CRISPLD2: variants seen among roughly 807,000 people sequenced by gnomAD.
CRISPLD2 encodes the protein cysteine rich secretory protein LCCL domain containing 2, also known as cysteine-rich secretory protein LCCL domain-containing 2.
CRISPLD2 carries 47 observed loss-of-function variants against 71.1 expected under a neutral mutation model. The ratio of observed to expected loss-of-function variants is 0.66; its 90% CI spans 0.52 to 0.84. The LOEUF is 0.84. Among genes scored for constraint, CRISPLD2 ranks in the 40% least tolerant of loss-of-function variants. The pLI is 0.00. For missense variants in CRISPLD2, 830 were observed against 651.1 expected, an observed-to-expected ratio of 1.27 and a Z score of -2.99; for synonymous variants, 317 against 250.1, an observed-to-expected ratio of 1.27 and a Z score of -2.52.
rs546146897 is a variant in CRISPLD2, at chr16:84,844,657, C to T, written c.241-1129C>T. Among the ~76,000 whole-genome samples the T allele has an allele frequency of 2.0e-5, 3 of 152,190 alleles. No homozygotes were observed. The South Asian group carries it at 6.2e-4, about 32-fold the overall frequency. ...GGATTACAGGCGTGAGCCACTGCTC[C>T]GGGCCCATCTCCGGCACTTTCTATC... On this transcript the variant is annotated intron_variant, in intron 2 of 14. Coordinates refer to ENST00000262424, the MANE Select transcript of CRISPLD2 (RefSeq NM_031476.4).
intron 13 of CRISPLD2, among the ~76,000 whole-genome samples, chr16:84,885,554 C>A (rs145173036): frequency 6.6e-6 from 1 of 152,212 alleles, no homozygotes; most frequent in Non-Finnish European, 1.5e-5. Flanking sequence ...CAGGGCCTCC[C>A]AGATACCCGG....
intron 9 of CRISPLD2, 117 bp from the exon 10 acceptor site, chr16:84,872,875 C>A: frequency 7.6e-7 from 1 of 1,318,710 alleles, no homozygotes; most frequent in Non-Finnish European, 1.0e-6. Flanking sequence ...GCAGAGTGAG[C>A]TTTGGCCTGT....
At chr16:84,844,321 G>A (rs778595478) in intron 2 of CRISPLD2, among the ~76,000 whole-genome samples, 15 of 152,226 alleles carry the variant, frequency 9.9e-5, no homozygotes, top group Non-Finnish European at 1.9e-4. Flanking sequence ...AGCTGAAGAC[G>A]TCTCTTGTCA....
intron 12 of CRISPLD2, among the ~76,000 whole-genome samples, chr16:84,879,961 T>C (rs547261372): frequency 6.6e-6 from 1 of 152,312 alleles, no homozygotes; most frequent in East Asian, 1.9e-4. Flanking sequence ...CATTTCCAGT[T>C]TGAGGTGCTT....
intron 1 of CRISPLD2, among the ~76,000 whole-genome samples, chr16:84,823,815 A>G (rs1393278461): frequency 6.6e-6 from 1 of 152,200 alleles, no homozygotes; most frequent in African/African-American, 2.4e-5. Context: ...CCGGACCATC[A>G]TTTTTTAAAA....
In CRISPLD2 at chr16:84,838,412, TTC is replaced by T; in HGVS notation, c.-74-9_-74-8del. 6.5e-7 allele frequency: 1 copy of T among 1,530,566 alleles called. No individual in the cohort carries two copies. Among genetic ancestry groups the T allele is most frequent in the Non-Finnish European group, 8.8e-7 (1 of 1,133,726 alleles). 94.8% of individuals were successfully genotyped at this position (1,530,566 alleles called of 1,614,324 possible). ...TGCGACTTCTCCCACCACCCTCTGC[TTC>T]CTTTCAGAGCTCAAGCGCCCAGCTC... On this transcript the variant is annotated splice_region_variant and splice_polypyrimidine_tract_variant and intron_variant, in intron 1 of 14. Coordinates refer to ENST00000262424, the MANE Select transcript of CRISPLD2 (RefSeq NM_031476.4).
At chr16:84,872,336 T>G in intron 8 of CRISPLD2, 106 bp from the exon 9 acceptor site, 1 of 947,780 alleles carries the variant, frequency 1.1e-6, no homozygotes, top group Non-Finnish European at 1.7e-6. Context: ...GAATGAAGCT[T>G]TTCTATATTT....
Position 84,863,822 on chromosome 16 carries a change from G to C in CRISPLD2, c.710-3075G>C, listed in dbSNP as rs548591102. On this transcript the variant is annotated intron_variant, in intron 6 of 14. Transcript: ENST00000262424. ...AGTCACTACTAAAAATACACAATTAGCCGGGCATGGTGGCGCATGCCTGTA... is the reference window on the plus strand; with the variant it reads ...AGTCACTACTAAAAATACACAATTACCCGGGCATGGTGGCGCATGCCTGTA... Among the ~76,000 whole-genome samples, 5 of 152,142 alleles carry C rather than the reference G, an allele frequency of 3.3e-5. No individual in the cohort carries two copies. In the South Asian group the frequency reaches 6.2e-4, roughly 19 times the overall value.
intron 14 of CRISPLD2, among the ~76,000 whole-genome samples, chr16:84,898,042 C>G (rs1377201094): frequency 6.6e-6 from 1 of 152,264 alleles, no homozygotes; most frequent in Non-Finnish European, 1.5e-5. Context: ...GATTCGGAGG[C>G]ATGGAGAGAC....
intron 12 of CRISPLD2, among the ~76,000 whole-genome samples, chr16:84,880,208 A>G (rs1184288871): frequency 5.3e-5 from 8 of 152,166 alleles, no homozygotes; most frequent in Admixed American, 3.9e-4. Flanking sequence ...CAGCCTCACA[A>G]TTCCACACTC....
Position 84,906,720 on chromosome 16 carries a change from G to T in CRISPLD2, c.*78G>T, listed in dbSNP as rs2071805969. The T allele has an allele frequency of 4.0e-6, 6 of 1,515,590 alleles. No individual in the cohort carries two copies. Among genetic ancestry groups the T allele is most frequent in the Non-Finnish European group, 5.5e-6 (6 of 1,090,990 alleles). The allele number at this position is 1,515,590 out of a possible 1,614,324, so 93.9% of individuals were successfully genotyped here. ...CTTTTATTTTTATTTTGTCATTGCG[G>T]GGTATATGGAGAGTCAGGAAACTTC... On this transcript the variant is annotated 3_prime_UTR_variant, in exon 15 of 15. Transcript: ENST00000262424.
intron 14 of CRISPLD2, among the ~76,000 whole-genome samples, chr16:84,904,605 T>A (rs77161253): frequency 0.46 from 66,704 of 144,596 alleles, 15,635 homozygotes; most frequent in South Asian, 0.59. Context: ...AAAAAAAAAA[T>A]TTAAAAAAAA....
intron 3 of CRISPLD2, among the ~76,000 whole-genome samples, chr16:84,848,239 T>C (rs1245646390): frequency 6.6e-6 from 1 of 152,196 alleles, no homozygotes; most frequent in Non-Finnish European, 1.5e-5. Context: ...GCCTCCTCAC[T>C]GTGTGCACGC....
intron 1 of CRISPLD2, among the ~76,000 whole-genome samples, chr16:84,831,204 A>G (rs1916480187): frequency 6.6e-6 from 1 of 152,214 alleles, no homozygotes; most frequent in Admixed American, 6.5e-5. Context: ...GACATCTGAC[A>G]GGATAACCTC....
intron 6 of CRISPLD2, among the ~76,000 whole-genome samples, chr16:84,858,285 A>C (rs1167310930): frequency 6.6e-6 from 1 of 152,156 alleles, no homozygotes; most frequent in Non-Finnish European, 1.5e-5. Context: ...GACCCCACTC[A>C]AAACTGGCAG....
chr16:84,847,287 C>T (rs1306774434), intron 3 of CRISPLD2, among the ~76,000 whole-genome samples: 2 of 152,126 alleles, frequency 1.3e-5, no homozygotes, highest in South Asian at 2.1e-4. Flanking sequence ...CATGGTGGAT[C>T]GACCGCGGTG....
At chr16:84,871,257 A>G (rs568568767) in intron 8 of CRISPLD2, among the ~76,000 whole-genome samples, 119 of 152,162 alleles carry the variant, frequency 7.8e-4, no homozygotes, top group African/African-American at 2.6e-3. Context: ...GTTTTACCCT[A>G]TTAAAAAATC....
chr16:84,883,719 A>G (rs555795175), intron 13 of CRISPLD2, among the ~76,000 whole-genome samples: 1 of 152,138 alleles, frequency 6.6e-6, no homozygotes, highest in Non-Finnish European at 1.5e-5. Context: ...AGCGATGACA[A>G]TCCCTTGGGA....
chr16:84,874,607 G>A (rs1001676347), intron 11 of CRISPLD2, among the ~76,000 whole-genome samples: 3 of 152,160 alleles, frequency 2.0e-5, no homozygotes, highest in African/African-American at 4.8e-5. Context: ...GAGCTCTGCC[G>A]GCAGACCATG....
Sources: gnomAD v4.1 joint callset for allele counts (sites outside exome capture counted in the v4.1 genomes callset) on GRCh38, gnomAD v4.1.1 for gene constraint, MANE v1.5 for transcripts, NCBI Gene and HGNC (gene_info 2026-07-23, HGNC 2026-07-21) for gene names.